Variants in LRRC4C observed in about 807,000 individuals in gnomAD.
The protein encoded by LRRC4C is leucine-rich repeat-containing protein 4C.
Under a neutral mutation model 33.6 loss-of-function variants are expected in LRRC4C, and 5 were observed. The observed-to-expected ratio is 0.15, with a 90% CI of 0.08 to 0.31. The LOEUF (loss-of-function observed/expected upper bound fraction) is 0.31, where lower values mean the gene tolerates loss of function less well. Ranked by LOEUF, LRRC4C falls within the 10% of genes least tolerant of loss-of-function variation. LRRC4C has a pLI of 1.00. For missense variants in LRRC4C, 560 were observed against 796.7 expected (o/e 0.70, Z 3.58); for synonymous variants, 329 against 302.0 (o/e 1.09, Z -0.93).
intron 3 of LRRC4C, among the ~76,000 whole-genome samples, chr11:40,534,848 G>A (rs1782814895): frequency 6.6e-6 from 1 of 152,112 alleles, no homozygotes; most frequent in Non-Finnish European, 1.5e-5. Context: ...GAAGGATAAT[G>A]GTGTTTAGCT....
At chr11:41,292,181 A>G (rs915167318) in intron 1 of LRRC4C, among the ~76,000 whole-genome samples, 3 of 152,154 alleles carry the variant, frequency 2.0e-5, no homozygotes, top group Admixed American at 6.5e-5. Flanking sequence ...TGTGAGGAAC[A>G]GCTATTTGAC....
intron 1 of LRRC4C, among the ~76,000 whole-genome samples, chr11:41,425,184 C>G (rs1197458971): frequency 1.3e-5 from 2 of 151,954 alleles, no homozygotes; most frequent in Non-Finnish European, 1.5e-5. Context: ...CATTAAGGGG[C>G]TCGGTGCATC....
chr11:41,452,524 C>CT (rs1166320227), intron 1 of LRRC4C, among the ~76,000 whole-genome samples: 1 of 152,082 alleles, frequency 6.6e-6, no homozygotes, highest in Non-Finnish European at 1.5e-5. Context: ...TATTTCCTCT[C>CT]TTTTTCAAGA....
At chr11:40,920,978 T>C (rs533603574) in intron 2 of LRRC4C, among the ~76,000 whole-genome samples, 28 of 151,590 alleles carry the variant, frequency 1.8e-4, no homozygotes, top group Admixed American at 1.7e-3. Flanking sequence ...TGAAGCATAG[T>C]GTCATCATCA....
chr11:41,163,553 C>T (rs186913371), intron 1 of LRRC4C, among the ~76,000 whole-genome samples: 34 of 150,336 alleles, frequency 2.3e-4, no homozygotes, highest in South Asian at 4.2e-4. Flanking sequence ...TAAAGTGCTG[C>T]GATTACAGGC....
chr11:40,748,294 A>G (rs1948526217), intron 2 of LRRC4C, among the ~76,000 whole-genome samples: 1 of 152,166 alleles, frequency 6.6e-6, no homozygotes, highest in African/African-American at 2.4e-5. Context: ...CCAGCTGAGC[A>G]CACTATATGT....
chr11:40,991,277 T>G (rs1853542820), intron 1 of LRRC4C, among the ~76,000 whole-genome samples: 1 of 148,654 alleles, frequency 6.7e-6, no homozygotes, highest in African/African-American at 2.5e-5. Flanking sequence ...TACTGTATAA[T>G]AAAATTTGTC....
At chr11:41,411,437 C>G (rs1476454269) in intron 1 of LRRC4C, among the ~76,000 whole-genome samples, 2 of 151,446 alleles carry the variant, frequency 1.3e-5, no homozygotes, top group East Asian at 2.0e-4. Flanking sequence ...CTTGAGCCAC[C>G]GCGCCCAGCC....
At chr11:40,867,016 CT>C (rs1433477587) in intron 2 of LRRC4C, among the ~76,000 whole-genome samples, 1 of 152,128 alleles carries the variant, frequency 6.6e-6, no homozygotes, top group Admixed American at 6.6e-5. Flanking sequence ...ATCAGTTTGA[CT>C]GTATATGTTC....
At chr11:40,823,913 A>T (rs1952047714) in intron 2 of LRRC4C, among the ~76,000 whole-genome samples, 1 of 151,898 alleles carries the variant, frequency 6.6e-6, no homozygotes, top group African/African-American at 2.4e-5. Flanking sequence ...ATAGCCCAAG[A>T]ATTGATACAA....
At chr11:40,696,729 G>A (rs1342391837) in intron 2 of LRRC4C, among the ~76,000 whole-genome samples, 2 of 120,298 alleles carry the variant, frequency 1.7e-5, no homozygotes, top group East Asian at 2.5e-4. Context: ...AATTGTCTCT[G>A]TGCATATATA....
At chr11:40,714,049 CAGCCACGT>C (rs1946593123) in intron 2 of LRRC4C, among the ~76,000 whole-genome samples, 1 of 152,132 alleles carries the variant, frequency 6.6e-6, no homozygotes. Context: ...ATTGTGATGA[CAGCCACGT>C]AGCCCTTTGA....
Position 40,722,457 on chromosome 11 carries a change from C to A in LRRC4C, c.-406-74179G>T, listed in dbSNP as rs145979996. Among the ~76,000 whole-genome samples the A allele has an allele frequency of 7.3e-4, 111 of 152,266 alleles. 1 individual carries two copies. The highest frequency in any genetic ancestry group is 2.6e-3 in the African/African-American group (108 of 41,552). On this transcript the variant is annotated intron_variant, in intron 2 of 6. Coordinates refer to ENST00000528697, the MANE Select transcript of LRRC4C (RefSeq NM_001258419.2). ...TGCTTCAAAATGTAATGCTGTGAAA[C>A]CTGCAGAAACCTGTCTACAACCAAG...
chr11:41,415,277 G>A (rs1214297176), intron 1 of LRRC4C, among the ~76,000 whole-genome samples: 2 of 152,116 alleles, frequency 1.3e-5, no homozygotes, highest in African/African-American at 4.8e-5. Context: ...AGGTAGTTAT[G>A]GACGGGTGTT....
chr11:40,382,355 TA>T (rs1385007199), intron 3 of LRRC4C, among the ~76,000 whole-genome samples: 1 of 151,596 alleles, frequency 6.6e-6, no homozygotes, highest in Non-Finnish European at 1.5e-5. Context: ...TTCCTTTTTT[TA>T]AAAAAGTCAC....
chr11:40,308,247 CAG>C (rs1034506728), intron 4 of LRRC4C, among the ~76,000 whole-genome samples: 1 of 152,134 alleles, frequency 6.6e-6, no homozygotes, highest in Non-Finnish European at 1.5e-5. Flanking sequence ...TCTCTTTTCC[CAG>C]AGAGTTTGAA....
At chr11:41,163,702 C>G (rs548816728) in intron 1 of LRRC4C, among the ~76,000 whole-genome samples, 1 of 151,966 alleles carries the variant, frequency 6.6e-6, no homozygotes, top group African/African-American at 2.4e-5. Context: ...ACCTCCACCT[C>G]CTGGGTTCAA....
chr11:41,189,480 A>C (rs1464595911), intron 1 of LRRC4C, among the ~76,000 whole-genome samples: 1 of 152,190 alleles, frequency 6.6e-6, no homozygotes. Context: ...TGTCTGCCAC[A>C]GTGATAAGGA....
At chr11:40,714,037 C>G (rs905245756) in intron 2 of LRRC4C, among the ~76,000 whole-genome samples, 5 of 152,112 alleles carry the variant, frequency 3.3e-5, no homozygotes, top group Non-Finnish European at 7.4e-5. Context: ...AGCCAGATGC[C>G]CATTGTGATG....
Sources: allele counts gnomAD v4.1 joint callset (sites outside exome capture counted in the v4.1 genomes callset), GRCh38; gene constraint gnomAD v4.1.1; transcripts MANE v1.5; gene names NCBI Gene and HGNC (gene_info 2026-07-23, HGNC 2026-07-21).